The following MYO3B variants were observed in gnomAD, a reference collection of about 807,000 sequenced individuals.
The protein encoded by MYO3B is myosin IIIB.
Under a neutral mutation model 174.6 loss-of-function variants are expected in MYO3B, and 156 were observed. The ratio of observed to expected loss-of-function variants is 0.89; its 90% CI spans 0.78 to 1.02. MYO3B has a LOEUF of 1.02. Ranked by LOEUF, MYO3B falls within the 50% of genes least tolerant of loss-of-function variation. MYO3B has a pLI of 0.00. For missense variants in MYO3B, 1,632 were observed against 1,639.4 expected, an observed-to-expected ratio of 1.00 and a Z score of 0.08; for synonymous variants, 563 against 569.1, an observed-to-expected ratio of 0.99 and a Z score of 0.15.
At chr2:170,414,697 T>C (rs1558978834) in intron 22 of MYO3B, among the ~76,000 whole-genome samples, 1 of 152,240 alleles carries the variant, frequency 6.6e-6, no homozygotes, top group Non-Finnish European at 1.5e-5. Context: ...CTATGTTGAA[T>C]ATTCCATTCC....
intron 32 of MYO3B, among the ~76,000 whole-genome samples, chr2:170,606,062 C>A (rs1694788059): frequency 6.6e-6 from 1 of 152,170 alleles, no homozygotes; most frequent in Admixed American, 6.5e-5. Flanking sequence ...CACCTCTGAC[C>A]TGTAGTAGCC....
intron 7 of MYO3B, among the ~76,000 whole-genome samples, chr2:170,260,985 A>G (rs2093341236): frequency 1.3e-5 from 2 of 152,104 alleles, no homozygotes; most frequent in Admixed American, 6.6e-5. Flanking sequence ...TGGAGAGGAA[A>G]ATAAAGGATA....
intron 7 of MYO3B, among the ~76,000 whole-genome samples, chr2:170,276,188 G>A (rs2093462874): frequency 6.6e-6 from 1 of 152,168 alleles, no homozygotes; most frequent in Admixed American, 6.5e-5. Flanking sequence ...AGTCAGGAGG[G>A]GGCAATGTGG....
chr2:170,317,681 C>A (rs1431647473), intron 7 of MYO3B, among the ~76,000 whole-genome samples: 1 of 152,106 alleles, frequency 6.6e-6, no homozygotes, highest in Non-Finnish European at 1.5e-5. Context: ...GGAGCCCTAA[C>A]CTTACTCAAG....
At chr2:170,601,669 TCTTC>T (rs1694518400) in intron 32 of MYO3B, 38 of 1,458,912 alleles carry the variant, frequency 2.6e-5, no homozygotes, top group Non-Finnish European at 3.5e-5. Flanking sequence ...TCTGTCCTCC[TCTTC>T]CTTCTTTTTC....
chr2:170,391,980 C>T (rs534902336), intron 15 of MYO3B, among the ~76,000 whole-genome samples: 3 of 151,790 alleles, frequency 2.0e-5, no homozygotes, highest in Non-Finnish European at 2.9e-5. Context: ...CATAGTGAGA[C>T]TCTGTCTCTA....
chr2:170,265,771 T>C (rs2093378686), intron 7 of MYO3B, among the ~76,000 whole-genome samples: 1 of 152,238 alleles, frequency 6.6e-6, no homozygotes, highest in African/African-American at 2.4e-5. Context: ...TCTCTAGTTA[T>C]GTGTACATCC....
intron 32 of MYO3B, among the ~76,000 whole-genome samples, chr2:170,609,052 A>T (rs1694985915): frequency 1.3e-5 from 2 of 152,214 alleles, no homozygotes; most frequent in Non-Finnish European, 2.9e-5. Flanking sequence ...TGGGATGATG[A>T]GTTCCCAGGA....
At chr2:170,244,841 T>C (rs1039642015) in intron 7 of MYO3B, among the ~76,000 whole-genome samples, 1 of 152,182 alleles carries the variant, frequency 6.6e-6, no homozygotes, top group African/African-American at 2.4e-5. Context: ...TATATTTGTA[T>C]CTTTGGCCTT....
At chr2:170,505,261 C>T (rs1687553478) in intron 28 of MYO3B, among the ~76,000 whole-genome samples, 2 of 151,750 alleles carry the variant, frequency 1.3e-5, no homozygotes, top group East Asian at 3.9e-4. Context: ...TTCTTTTCTG[C>T]GGGGCTGAGG....
chr2:170,474,582 A>T (rs999541312), intron 25 of MYO3B, among the ~76,000 whole-genome samples: 15 of 151,436 alleles, frequency 9.9e-5, no homozygotes, highest in African/African-American at 3.4e-4. Context: ...ACTTAAAAAA[A>T]AAAAATAATA....
intron 7 of MYO3B, among the ~76,000 whole-genome samples, chr2:170,267,767 C>T (rs745859599): frequency 3.9e-5 from 6 of 152,092 alleles, no homozygotes; most frequent in South Asian, 4.1e-4. Flanking sequence ...TATTTATTTT[C>T]GAGGACATAG....
rs145249804 is a variant in MYO3B, at chr2:170,226,970, G to T, written c.604-9021G>T. Among the ~76,000 whole-genome samples, 173 of 152,298 alleles carry T rather than the reference G, an allele frequency of 1.1e-3. 2 individuals are homozygous for T. Among genetic ancestry groups the T allele is most frequent in the African/African-American group, 4.1e-3 (170 of 41,578 alleles). ...GAACAGAAGTGTTTGCTGAAGGAAT[G>T]TCAGAGTTGGCCTCAGCTCTTCCTG... On this transcript the variant is annotated intron_variant, in intron 6 of 34. Coordinates refer to ENST00000408978, the MANE Select transcript of MYO3B (RefSeq NM_138995.5).
rs544625891 is a variant in MYO3B at position 170,610,796 on chromosome 2, G to A, written c.3734-40832G>A. On this transcript the variant is annotated intron_variant, in intron 32 of 34. Transcript: ENST00000408978. ...ATAACTCAGCACTCTTGAGGATTTC[G>A]CATTTGGGTAGTAGATGAAATTTGA... Among the ~76,000 whole-genome samples the A allele has an allele frequency of 6.6e-5, 10 of 152,250 alleles. No homozygotes were observed. The South Asian group carries it at 1.2e-3, about 19-fold the overall frequency.
chr2:170,446,367 A>T (rs571912523), intron 23 of MYO3B, among the ~76,000 whole-genome samples: 39 of 152,036 alleles, frequency 2.6e-4, no homozygotes, highest in Non-Finnish European at 5.3e-4. Flanking sequence ...TGACTACTGG[A>T]CTAAGGCATA....
chr2:170,551,925 C>T (rs1383536001), intron 32 of MYO3B, among the ~76,000 whole-genome samples: 1 of 151,890 alleles, frequency 6.6e-6, no homozygotes, highest in African/African-American at 2.4e-5. Context: ...TCCCCCTTCT[C>T]TCTCTCCTGC....
At chr2:170,239,646 T>G (rs1471169316) in intron 7 of MYO3B, among the ~76,000 whole-genome samples, 5 of 152,242 alleles carry the variant, frequency 3.3e-5, no homozygotes, top group African/African-American at 9.6e-5. Context: ...TTCCAGTCCC[T>G]GAAGCTGGTG....
intron 7 of MYO3B, among the ~76,000 whole-genome samples, chr2:170,282,204 C>T (rs2093516717): frequency 6.6e-6 from 1 of 152,042 alleles, no homozygotes; most frequent in Non-Finnish European, 1.5e-5. Context: ...AGTGTTTCAC[C>T]TATGTTTTCT....
chr2:170,484,609 TGAGTAATA>T (rs747539304), intron 25 of MYO3B, among the ~76,000 whole-genome samples: 21 of 152,188 alleles, frequency 1.4e-4, no homozygotes, highest in Non-Finnish European at 2.2e-4. Flanking sequence ...CTATCTATAG[TGAGTAATA>T]CTGCATTAGA....
Sources: gnomAD v4.1 joint callset for allele counts (sites outside exome capture counted in the v4.1 genomes callset) on GRCh38, gnomAD v4.1.1 for gene constraint, MANE v1.5 for transcripts, NCBI Gene and HGNC (gene_info 2026-07-23, HGNC 2026-07-21) for gene names.